The following PTPRT variants were observed in gnomAD, a reference collection of about 807,000 sequenced individuals.
The protein encoded by PTPRT is receptor-type tyrosine-protein phosphatase T.
A neutral mutation model predicts 176.8 loss-of-function variants in PTPRT; 56 were observed. The ratio of observed to expected loss-of-function variants is 0.32; its 90% CI spans 0.26 to 0.40. The LOEUF (loss-of-function observed/expected upper bound fraction) is 0.40. PTPRT is among the 10% of genes least tolerant of loss of function. PTPRT has a pLI of 1.00. For synonymous variants in PTPRT, 783 were observed against 739.0 expected (o/e 1.06, Z -0.96); for missense variants, 1,540 against 1,908.2 (o/e 0.81, Z 3.60).
At chr20:43,076,858 C>G (rs2011293503) in intron 1 of PTPRT, among the ~76,000 whole-genome samples, 1 of 152,158 alleles carries the variant, frequency 6.6e-6, no homozygotes, top group Non-Finnish European at 1.5e-5. Flanking sequence ...TTTCCCTCCC[C>G]TCCTCAAGTC....
chr20:42,440,602 C>T (rs867745951), intron 9 of PTPRT, among the ~76,000 whole-genome samples: 6 of 151,914 alleles, frequency 3.9e-5, no homozygotes, highest in South Asian at 2.1e-4. Flanking sequence ...CTCAGCCTCC[C>T]GAGTAGCTGG....
rs950153882 is a variant in PTPRT, at chr20:42,817,350, T to G, written c.215-25884A>C. On this transcript the variant is annotated intron_variant, in intron 2 of 30. Coordinates refer to ENST00000373187, the MANE Select transcript of PTPRT (RefSeq NM_007050.6). ...GAACCCTTCTGAGTTATTTGACATCTTAATCATGTTTGGTTTTTTTTTTTT... is the reference window on the plus strand; with the variant it reads ...GAACCCTTCTGAGTTATTTGACATCGTAATCATGTTTGGTTTTTTTTTTTT... Among the ~76,000 whole-genome samples, 6 of 144,490 alleles carry G rather than the reference T, an allele frequency of 4.2e-5. No homozygotes were observed. In the East Asian group the frequency reaches 1.2e-3, roughly 29 times the overall value. The allele number at this position is 144,490 out of a possible 152,430, so 94.8% of individuals were successfully genotyped here.
intron 15 of PTPRT, among the ~76,000 whole-genome samples, chr20:42,217,082 A>T (rs1364044700): frequency 6.6e-6 from 1 of 152,130 alleles, no homozygotes; most frequent in Non-Finnish European, 1.5e-5. Flanking sequence ...CACCTCAAAC[A>T]TTACATCCAG....
At chr20:42,162,141 T>A (rs1225925639) in intron 16 of PTPRT, among the ~76,000 whole-genome samples, 5 of 152,178 alleles carry the variant, frequency 3.3e-5, no homozygotes, top group African/African-American at 7.2e-5. Flanking sequence ...TCTCTAGTTA[T>A]GAGCTCTGCC....
chr20:42,057,156 T>C, the PTPRT span, among the ~76,000 whole-genome samples: 2 of 152,204 alleles, frequency 1.3e-5, no homozygotes, highest in African/African-American at 2.4e-5. Flanking sequence ...TTACCATATA[T>C]GGATATTCAA....
chr20:42,230,001 C>T (rs758363724), intron 15 of PTPRT, among the ~76,000 whole-genome samples: 3 of 152,118 alleles, frequency 2.0e-5, no homozygotes, highest in Admixed American at 6.6e-5. Context: ...ATGGAGAATA[C>T]CCTAATGAGC....
At chr20:43,092,004 G>A (rs1006092368) in intron 1 of PTPRT, among the ~76,000 whole-genome samples, 2 of 152,364 alleles carry the variant, frequency 1.3e-5, no homozygotes, top group East Asian at 1.9e-4. Context: ...TCTCATCACA[G>A]TTCTGGGATG....
At position 42,850,255 on chromosome 20, in the gene PTPRT, A is replaced by G. The variant is rs1298718088; in HGVS notation, c.214+35552T>C. On this transcript the variant is annotated intron_variant, in intron 2 of 30. Transcript: ENST00000373187. The stretch of plus-strand genomic sequence containing the variant: ...GAACCTGTATAGTGTAGGCACAGGC[A>G]TCTTGAAATACTAAAAGCGCTTCAA... Among the ~76,000 whole-genome samples, 4 of 152,224 alleles carry G rather than the reference A, an allele frequency of 2.6e-5. No individual in the cohort carries two copies. In the East Asian group the frequency reaches 7.7e-4, roughly 29 times the overall value.
downstream of PTPRT, among the ~76,000 whole-genome samples, chr20:42,069,394 C>A (rs945290166): frequency 1.3e-5 from 2 of 152,058 alleles, no homozygotes; most frequent in African/African-American, 4.8e-5. Context: ...CCCTTTTGGA[C>A]ATTGACTAAC....
chr20:42,716,109 G>T (rs1196646660), intron 6 of PTPRT, among the ~76,000 whole-genome samples: 3 of 152,190 alleles, frequency 2.0e-5, no homozygotes, highest in South Asian at 4.1e-4. Flanking sequence ...CTGGGTCTCA[G>T]AATGAAAAAA....
At chr20:42,305,909 T>C (rs931128861) in intron 12 of PTPRT, among the ~76,000 whole-genome samples, 5 of 152,122 alleles carry the variant, frequency 3.3e-5, no homozygotes, top group Non-Finnish European at 7.4e-5. Flanking sequence ...CTTCACGAGG[T>C]TCCTTACATT....
chr20:42,713,699 G>A (rs910936438), intron 6 of PTPRT, among the ~76,000 whole-genome samples: 3 of 152,128 alleles, frequency 2.0e-5, no homozygotes, highest in African/African-American at 7.2e-5. Context: ...GGGATGTAGT[G>A]GGAGGTGACT....
At chr20:42,220,278 G>T (rs1171043840) in intron 15 of PTPRT, among the ~76,000 whole-genome samples, 1 of 152,178 alleles carries the variant, frequency 6.6e-6, no homozygotes, top group African/African-American at 2.4e-5. Flanking sequence ...TCCTAAGCTG[G>T]AAGACTCAGT....
intron 9 of PTPRT, among the ~76,000 whole-genome samples, chr20:42,401,107 G>A (rs1272108633): frequency 6.7e-6 from 1 of 149,530 alleles, no homozygotes; most frequent in Non-Finnish European, 1.5e-5. Flanking sequence ...ATTTCAATTT[G>A]GAGTAACTAA....
At chr20:42,616,615 G>T in intron 7 of PTPRT, among the ~76,000 whole-genome samples, 1 of 103,188 alleles carries the variant, frequency 9.7e-6, no homozygotes, top group Non-Finnish European at 1.9e-5. Flanking sequence ...TTATTTCCTT[G>T]AGCAGTGGTT....
intron 1 of PTPRT, among the ~76,000 whole-genome samples, chr20:43,091,535 TC>T (rs2011871536): frequency 6.7e-6 from 1 of 150,110 alleles, no homozygotes; most frequent in African/African-American, 2.5e-5. Context: ...TCTCTCTCTC[TC>T]TCACACACAC....
At chr20:42,957,560 G>T (rs1379410275) in intron 1 of PTPRT, among the ~76,000 whole-genome samples, 1 of 152,082 alleles carries the variant, frequency 6.6e-6, no homozygotes, top group Non-Finnish European at 1.5e-5. Context: ...ACTCTCCCTT[G>T]GTTCTCAGAG....
intron 1 of PTPRT, among the ~76,000 whole-genome samples, chr20:42,936,311 T>C (rs1980188065): frequency 6.6e-6 from 1 of 152,088 alleles, no homozygotes; most frequent in Non-Finnish European, 1.5e-5. Flanking sequence ...AGCTATCACA[T>C]GGTTGTCTGG....
intron 12 of PTPRT, among the ~76,000 whole-genome samples, chr20:42,308,477 T>C (rs6016743): frequency 0.017 from 2,539 of 152,200 alleles, 90 homozygotes; most frequent in African/African-American, 0.058. Flanking sequence ...TGGAGTTTAC[T>C]GGACAAATCG....
Sources: allele counts gnomAD v4.1 joint callset (sites outside exome capture counted in the v4.1 genomes callset), GRCh38; gene constraint gnomAD v4.1.1; transcripts MANE v1.5; gene names NCBI Gene and HGNC (gene_info 2026-07-23, HGNC 2026-07-21).